ADGRL3: variants seen among roughly 807,000 people sequenced by gnomAD.
The protein encoded by ADGRL3 is calcium-independent alpha-latrotoxin receptor 3.
A neutral mutation model predicts 153.5 loss-of-function variants in ADGRL3; 62 were observed. The observed-to-expected ratio is 0.40, with a 90% CI of 0.33 to 0.50. The LOEUF (loss-of-function observed/expected upper bound fraction) is 0.50. Among genes scored for constraint, ADGRL3 ranks in the 20% least tolerant of loss-of-function variants. The pLI, the probability that ADGRL3 is intolerant of heterozygous loss-of-function variation, is 0.47. For synonymous variants in ADGRL3, 710 were observed against 672.5 expected, an observed-to-expected ratio of 1.06 and a Z score of -0.86; for missense variants, 1,641 against 1,859.4, an observed-to-expected ratio of 0.88 and a Z score of 2.16.
chr4:61,540,788 A>C (rs1020364430), intron 4 of ADGRL3, among the ~76,000 whole-genome samples: 1 of 151,528 alleles, frequency 6.6e-6, no homozygotes, highest in African/African-American at 2.4e-5. Context: ...GAAAGAACAC[A>C]CAAAAAAAAT....
chr4:61,905,756 A>G (rs1325111292), intron 11 of ADGRL3, among the ~76,000 whole-genome samples: 2 of 151,962 alleles, frequency 1.3e-5, no homozygotes, highest in East Asian at 1.9e-4. Context: ...TTAGCTGGGC[A>G]TGGTGGCATG....
At chr4:61,310,073 T>G (rs1330905748) in intron 1 of ADGRL3, among the ~76,000 whole-genome samples, 1 of 151,280 alleles carries the variant, frequency 6.6e-6, no homozygotes, top group African/African-American at 2.4e-5. Flanking sequence ...AAGGGTCTTC[T>G]GCTTGTTGAA....
At chr4:61,643,613 C>A (rs1229136826) in intron 5 of ADGRL3, among the ~76,000 whole-genome samples, 68 of 147,028 alleles carry the variant, frequency 4.6e-4, no homozygotes, top group Non-Finnish European at 9.0e-4. Flanking sequence ...GTATATTGAA[C>A]CAGCCTTGCA....
intron 1 of ADGRL3, among the ~76,000 whole-genome samples, chr4:61,262,462 C>CT (rs200724025): frequency 2.6e-5 from 4 of 151,922 alleles, no homozygotes; most frequent in African/African-American, 9.7e-5. Context: ...AGATTTCACT[C>CT]TTTTTTAAAA....
chr4:61,212,904 G>C (rs143046284), intron 1 of ADGRL3, among the ~76,000 whole-genome samples: 1 of 151,966 alleles, frequency 6.6e-6, no homozygotes, highest in African/African-American at 2.4e-5. Context: ...TTTCTGGTGC[G>C]TTTGATTAAA....
intron 1 of ADGRL3, among the ~76,000 whole-genome samples, chr4:61,356,586 G>T (rs925528924): frequency 2.0e-4 from 30 of 152,094 alleles, no homozygotes; most frequent in Non-Finnish European, 7.4e-5. Context: ...CTGCAGTGAA[G>T]CAAACACATG....
chr4:61,336,619 T>C (rs755411235), intron 1 of ADGRL3, among the ~76,000 whole-genome samples: 7 of 151,976 alleles, frequency 4.6e-5, no homozygotes, highest in Non-Finnish European at 8.8e-5. Context: ...TAGGGCTCAT[T>C]ACGCCTTTCA....
intron 5 of ADGRL3, among the ~76,000 whole-genome samples, chr4:61,650,078 G>A (rs890007342): frequency 1.3e-5 from 2 of 152,036 alleles, no homozygotes; most frequent in African/African-American, 4.8e-5. Flanking sequence ...CAGTAACTGT[G>A]GGAAAGTGGC....
At chr4:62,064,957 A>T (rs1742216695) in intron 25 of ADGRL3, among the ~76,000 whole-genome samples, 1 of 152,074 alleles carries the variant, frequency 6.6e-6, no homozygotes, top group South Asian at 2.1e-4. Context: ...AAATTTCTTA[A>T]GGGATATATG....
At chr4:61,478,088 A>G (rs1206814579) in intron 2 of ADGRL3, among the ~76,000 whole-genome samples, 3 of 152,062 alleles carry the variant, frequency 2.0e-5, no homozygotes, top group East Asian at 3.9e-4. Context: ...TGCTTGGAGA[A>G]TAAAACATAA....
intron 6 of ADGRL3, among the ~76,000 whole-genome samples, chr4:61,694,175 CATTA>C (rs1561075075): frequency 1.7e-4 from 9 of 51,846 alleles, no homozygotes; most frequent in South Asian, 7.5e-4. Context: ...AAAATTTTGT[CATTA>C]TTTTTTTTTT....
At chr4:61,559,857 A>G (rs1282971883) in intron 4 of ADGRL3, among the ~76,000 whole-genome samples, 1 of 152,082 alleles carries the variant, frequency 6.6e-6, no homozygotes, top group Non-Finnish European at 1.5e-5. Context: ...TTATCAAATA[A>G]AAAATTAACT....
rs539853737 is a variant in ADGRL3 at position 61,204,504 on chromosome 4, T to C, written c.-240+2739T>C. Among the ~76,000 whole-genome samples, 4 of 152,344 alleles carry C rather than the reference T, an allele frequency of 2.6e-5. No homozygotes were observed. In the South Asian group the frequency reaches 8.3e-4, roughly 32 times the overall value. ...ATCTGTTCTTTGTTTCCTAGCAGCATGTGTTCCCTAGCAGTCATACATTCC... is the reference window on the plus strand; with the variant it reads ...ATCTGTTCTTTGTTTCCTAGCAGCACGTGTTCCCTAGCAGTCATACATTCC... On this transcript the variant is annotated intron_variant, in intron 1 of 26. Coordinates refer to ENST00000683033, the MANE Select transcript of ADGRL3 (RefSeq NM_001387552.1).
intron 1 of ADGRL3, among the ~76,000 whole-genome samples, chr4:61,300,766 TTC>T (rs200059657): frequency 0.16 from 16,739 of 103,606 alleles, 1,148 homozygotes; most frequent in East Asian, 0.48. Context: ...TTTTCTTTCT[TTC>T]TTTTTTTTTT....
chr4:61,824,368 A>G (rs934423196), intron 9 of ADGRL3, among the ~76,000 whole-genome samples: 3 of 152,230 alleles, frequency 2.0e-5, no homozygotes, highest in African/African-American at 7.2e-5. Context: ...AAAAGAGGTC[A>G]GGCATTCTAA....
intron 1 of ADGRL3, among the ~76,000 whole-genome samples, chr4:61,204,888 G>C (rs1736419511): frequency 6.6e-6 from 1 of 152,130 alleles, no homozygotes; most frequent in Non-Finnish European, 1.5e-5. Flanking sequence ...TTCAGACTGA[G>C]AGTGCTCCTC....
intron 5 of ADGRL3, among the ~76,000 whole-genome samples, chr4:61,630,192 C>T (rs2093075486): frequency 1.3e-5 from 2 of 152,076 alleles, no homozygotes; most frequent in Admixed American, 1.3e-4. Flanking sequence ...CCATTAAATT[C>T]TCATAGGGTT....
At chr4:61,452,267 G>A (rs2097684571) in intron 2 of ADGRL3, among the ~76,000 whole-genome samples, 1 of 152,072 alleles carries the variant, frequency 6.6e-6, no homozygotes, top group Non-Finnish European at 1.5e-5. Context: ...GCAGCCTCCT[G>A]GGGGAACAGG....
At chr4:61,916,181 A>G (rs1488806867) in intron 13 of ADGRL3, among the ~76,000 whole-genome samples, 1 of 152,208 alleles carries the variant, frequency 6.6e-6, no homozygotes, top group Non-Finnish European at 1.5e-5. Context: ...GATATTTTAA[A>G]TAATATGTGA....
Sources: gnomAD v4.1 joint callset for allele counts (sites outside exome capture counted in the v4.1 genomes callset) on GRCh38, gnomAD v4.1.1 for gene constraint, MANE v1.5 for transcripts, NCBI Gene and HGNC (gene_info 2026-07-23, HGNC 2026-07-21) for gene names.